ADK: variants seen among roughly 807,000 people sequenced by gnomAD.
ADK encodes the protein N6,N6-dimethyladenosine kinase.
Under a neutral mutation model 44.7 loss-of-function variants are expected in ADK, and 24 were observed. That is an observed-to-expected ratio of 0.54 (90% CI 0.39 to 0.76). ADK has a LOEUF of 0.76. Ranked by LOEUF, ADK falls within the 30% of genes least tolerant of loss-of-function variation. The probability of loss-of-function intolerance (pLI) is 0.00; values close to 1 mark genes in which losing one functional copy is unlikely to be tolerated. For missense variants in ADK, 321 were observed against 425.1 expected, an observed-to-expected ratio of 0.76 and a Z score of 2.15; for synonymous variants, 128 against 142.6, an observed-to-expected ratio of 0.90 and a Z score of 0.73.
intron 10 of ADK, 77 bp from the exon 11 acceptor site, chr10:74,708,244 T>A: frequency 1.4e-6 from 2 of 1,441,630 alleles, no homozygotes; most frequent in Non-Finnish European, 1.9e-6. Flanking sequence ...GCTTAGATCA[T>A]ATATTGGTCT....
intron 2 of ADK, among the ~76,000 whole-genome samples, chr10:74,219,553 C>G (rs1412738876): frequency 6.6e-6 from 1 of 152,198 alleles, no homozygotes; most frequent in African/African-American, 2.4e-5. Context: ...CACCGCAAAT[C>G]AATAGAATAT....
chr10:74,636,992 A>G (rs996347987), intron 9 of ADK, among the ~76,000 whole-genome samples: 5 of 152,228 alleles, frequency 3.3e-5, no homozygotes, highest in Non-Finnish European at 7.3e-5. Context: ...GGCAAAAGAC[A>G]TGAAAAATTT....
chr10:74,439,046 A>C (rs1845296345), intron 6 of ADK, among the ~76,000 whole-genome samples: 1 of 152,248 alleles, frequency 6.6e-6, no homozygotes, highest in Non-Finnish European at 1.5e-5. Flanking sequence ...GTAATCCTTC[A>C]TAAAATGTCA....
chr10:74,356,006 T>TTTG (rs1842129273), intron 4 of ADK, among the ~76,000 whole-genome samples: 8 of 115,654 alleles, frequency 6.9e-5, no homozygotes, highest in Admixed American at 2.6e-4. Flanking sequence ...TAATTCATTT[T>TTTG]TTTTTTTTTT....
Position 74,280,825 on chromosome 10 carries a change from A to G in ADK, c.195-33842A>G, listed in dbSNP as rs375625261. Among the ~76,000 whole-genome samples, 31 of 152,336 alleles carry G rather than the reference A, an allele frequency of 2.0e-4. 2 individuals are homozygous for G. Among genetic ancestry groups the G allele is most frequent in the African/African-American group, 7.2e-4 (30 of 41,574 alleles). On this transcript the variant is annotated intron_variant, in intron 3 of 10. Coordinates refer to ENST00000539909, the MANE Select transcript of ADK (RefSeq NM_006721.4). ...AGGTTTCAGGAGGAATCAGAAGTTC[A>G]TGCATGTATTAAGTCCTTTGGTTTT...
At chr10:74,537,829 A>G (rs1378669667) in intron 7 of ADK, among the ~76,000 whole-genome samples, 1 of 152,190 alleles carries the variant, frequency 6.6e-6, no homozygotes, top group Non-Finnish European at 1.5e-5. Context: ...AGATAGTTTC[A>G]ATAATAAAAT....
chr10:74,204,293 G>A lies in ADK; in HGVS notation c.140+3455G>A, dbSNP rs567417637. Among the ~76,000 whole-genome samples, 5 of 151,764 alleles carry A rather than the reference G, an allele frequency of 3.3e-5. No individual in the cohort carries two copies. The South Asian group carries it at 1.0e-3, about 32-fold the overall frequency. On this transcript the variant is annotated intron_variant, in intron 2 of 10. Coordinates refer to ENST00000539909, the MANE Select transcript of ADK (RefSeq NM_006721.4). ...AAATAATTTTAGCAGTGTTTAGTAG[G>A]TTTTCAGTGCATAAGTCTTATACTT...
intron 7 of ADK, among the ~76,000 whole-genome samples, chr10:74,577,198 GA>G (rs1220106559): frequency 5.6e-5 from 8 of 143,526 alleles, no homozygotes; most frequent in African/African-American, 2.0e-4. Flanking sequence ...AAGCATGTTA[GA>G]TTTTTCTCTC....
At chr10:74,269,394 G>C (rs2132403006) in intron 3 of ADK, among the ~76,000 whole-genome samples, 1 of 152,262 alleles carries the variant, frequency 6.6e-6, no homozygotes, top group South Asian at 2.1e-4. Context: ...GCTACAAGCA[G>C]CTTTATACTG....
intron 1 of ADK, among the ~76,000 whole-genome samples, chr10:74,177,599 A>G (rs1423739176): frequency 6.6e-6 from 1 of 152,124 alleles, no homozygotes; most frequent in Non-Finnish European, 1.5e-5. Flanking sequence ...CCTTGACTGA[A>G]TGTTTAATTT....
intron 1 of ADK, among the ~76,000 whole-genome samples, chr10:74,190,408 T>G (rs910241108): frequency 2.6e-5 from 4 of 152,220 alleles, no homozygotes; most frequent in African/African-American, 9.6e-5. Context: ...CTTTCTTGAG[T>G]ATGCCCATAG....
chr10:74,483,757 C>T (rs1229806173), intron 6 of ADK, among the ~76,000 whole-genome samples: 1 of 152,160 alleles, frequency 6.6e-6, no homozygotes, highest in Admixed American at 6.5e-5. Context: ...CCACATTTCC[C>T]TAAAGAAGGA....
chr10:74,215,702 G>A (rs952539166), intron 2 of ADK, among the ~76,000 whole-genome samples: 5 of 130,202 alleles, frequency 3.8e-5, no homozygotes, highest in African/African-American at 1.5e-4. Flanking sequence ...GTCTTGCTCT[G>A]TCACCCAGGC....
chr10:74,593,878 T>C (rs1202166510), intron 8 of ADK, among the ~76,000 whole-genome samples: 1 of 152,200 alleles, frequency 6.6e-6, no homozygotes, highest in African/African-American at 2.4e-5. Context: ...TCCAAGCCTT[T>C]GCTATTGTGA....
At chr10:74,343,855 C>T (rs1037012749) in intron 4 of ADK, among the ~76,000 whole-genome samples, 2 of 152,096 alleles carry the variant, frequency 1.3e-5, no homozygotes, top group East Asian at 1.9e-4. Flanking sequence ...GTGATCCACC[C>T]GCCTTGGCCT....
chr10:74,693,218 C>G (rs73278322), intron 10 of ADK, among the ~76,000 whole-genome samples: 369 of 152,212 alleles, frequency 2.4e-3, no homozygotes, highest in African/African-American at 8.5e-3. Context: ...ACTAATGTAA[C>G]AGGTTAATCA....
intron 9 of ADK, among the ~76,000 whole-genome samples, chr10:74,654,322 A>G (rs985364112): frequency 5.4e-4 from 83 of 152,378 alleles, no homozygotes; most frequent in African/African-American, 1.9e-3. Context: ...AGTATTTTCT[A>G]TAACTATGAC....
At chr10:74,391,650 TATACACACACACACACACACAC>T (rs1843334137) in intron 4 of ADK, among the ~76,000 whole-genome samples, 2 of 134,734 alleles carry the variant, frequency 1.5e-5, no homozygotes, top group East Asian at 2.2e-4. Flanking sequence ...GAGGCAAGAA[TATACACACACACACACACACAC>T]ACACACACAC....
At chr10:74,284,180 G>A (rs1847062729) in intron 3 of ADK, among the ~76,000 whole-genome samples, 1 of 145,184 alleles carries the variant, frequency 6.9e-6, no homozygotes, top group African/African-American at 2.6e-5. Flanking sequence ...GGCTGGTCTC[G>A]AACTCCCGAA....
Sources: gnomAD v4.1 joint callset for allele counts (sites outside exome capture counted in the v4.1 genomes callset) on GRCh38, gnomAD v4.1.1 for gene constraint, MANE v1.5 for transcripts, NCBI Gene and HGNC (gene_info 2026-07-23, HGNC 2026-07-21) for gene names.